The following ERBB4 variants were observed in gnomAD, a reference collection of about 807,000 sequenced individuals.
ERBB4 encodes erb-b2 receptor tyrosine kinase 4.
In ERBB4, 42 loss-of-function variants were observed where a neutral mutation model predicts 158.0. The observed-to-expected ratio is 0.27, with a 90% CI of 0.21 to 0.34. The LOEUF is 0.34. ERBB4 is among the 10% of genes least tolerant of loss of function. ERBB4 has a pLI of 1.00. For missense variants in ERBB4, 1,333 were observed against 1,624.1 expected (o/e 0.82, Z 3.08); for synonymous variants, 583 against 558.7 (o/e 1.04, Z -0.61).
At position 212,417,504 on chromosome 2, in the gene ERBB4, A is replaced by G. The variant is rs2105893975; in HGVS notation, c.82+120945T>C. ...CAGTCTTTGGACTTTCAGATTAGGT[A>G]TGGCAAACCACTAAAATTGTCTACT... On this transcript the variant is annotated intron_variant, in intron 1 of 27. Transcript: ENST00000342788. 1.3e-5 allele frequency among the ~76,000 whole-genome samples: 2 copies of G among 152,170 alleles called. 1 individual carries two copies. Among genetic ancestry groups the G allele is most frequent in the South Asian group, 4.1e-4 (2 of 4,830 alleles).
chr2:211,767,903 C>A (rs1209813660), intron 4 of ERBB4, among the ~76,000 whole-genome samples: 58 of 152,142 alleles, frequency 3.8e-4, no homozygotes, highest in Non-Finnish European at 4.4e-5. Flanking sequence ...TGTAATCATG[C>A]CCTCCCAACA....
At chr2:211,786,847 C>T (rs1008716929) in intron 4 of ERBB4, among the ~76,000 whole-genome samples, 3 of 152,178 alleles carry the variant, frequency 2.0e-5, no homozygotes, top group Non-Finnish European at 4.4e-5. Context: ...TGAAACACAT[C>T]ATTTGTCTTG....
chr2:212,073,154 A>G lies in ERBB4; in HGVS notation c.234+51598T>C, dbSNP rs147335804. 5.5e-4 allele frequency among the ~76,000 whole-genome samples: 83 copies of G among 152,118 alleles called. No homozygotes were observed. The East Asian group carries it at 0.015, about 28-fold the overall frequency. ...ACTGAAAATGTGGGACATCAGTATT[A>G]GAAAAGCTAGAAAGGAAAGCTGGAG... On this transcript the variant is annotated intron_variant, in intron 2 of 27. Transcript: ENST00000342788.
At chr2:211,787,326 T>G in intron 4 of ERBB4, among the ~76,000 whole-genome samples, 1 of 152,204 alleles carries the variant, frequency 6.6e-6, no homozygotes, top group East Asian at 1.9e-4. Flanking sequence ...CCAGACAGAA[T>G]AATTTTCAAA....
intron 3 of ERBB4, among the ~76,000 whole-genome samples, chr2:211,788,506 A>G (rs1486613433): frequency 6.6e-6 from 1 of 152,062 alleles, no homozygotes; most frequent in Admixed American, 6.6e-5. Flanking sequence ...TTAGTTTAAT[A>G]TTATGTAGTG....
chr2:211,389,339 G>C (rs968896683), intron 25 of ERBB4, among the ~76,000 whole-genome samples: 1 of 152,130 alleles, frequency 6.6e-6, no homozygotes, highest in Non-Finnish European at 1.5e-5. Flanking sequence ...AAATGAAACA[G>C]ATAAATATTA....
chr2:212,003,103 A>C (rs773724508), intron 2 of ERBB4, among the ~76,000 whole-genome samples: 7 of 45,586 alleles, frequency 1.5e-4, no homozygotes, highest in Non-Finnish European at 4.8e-4. Context: ...CAGAGACAGA[A>C]AGAAAGAAAG....
chr2:211,854,266 CTT>C lies in ERBB4; in HGVS notation c.422-66109_422-66108del, dbSNP rs544843371. Among the ~76,000 whole-genome samples, 1,144 of 152,002 alleles carry C rather than the reference CTT, an allele frequency of 7.5e-3. 4 individuals are homozygous for C. The highest frequency in any genetic ancestry group is 0.011 in the Non-Finnish European group (759 of 67,924). ...TCATTATTTGAGCAGGAAAAATAAA[CTT>C]TGTGTTAATTCTCATATTATCATAT... is the stretch of plus-strand genomic sequence containing the variant. On this transcript the variant is annotated intron_variant, in intron 3 of 27. Coordinates refer to ENST00000342788, the MANE Select transcript of ERBB4 (RefSeq NM_005235.3).
At chr2:211,644,191 T>G (rs1191633924) in intron 16 of ERBB4, among the ~76,000 whole-genome samples, 1 of 152,046 alleles carries the variant, frequency 6.6e-6, no homozygotes, top group Non-Finnish European at 1.5e-5. Context: ...TTTTAAATTA[T>G]GTTTTTAACT....
At chr2:211,412,432 G>T (rs2063282422) in intron 25 of ERBB4, among the ~76,000 whole-genome samples, 1 of 152,080 alleles carries the variant, frequency 6.6e-6, no homozygotes. Context: ...CCTCCACAAA[G>T]ATACATTTAA....
At chr2:212,285,237 G>A (rs1324750243) in intron 1 of ERBB4, among the ~76,000 whole-genome samples, 2 of 152,156 alleles carry the variant, frequency 1.3e-5, no homozygotes, top group East Asian at 1.9e-4. Flanking sequence ...TGAAGGTAAG[G>A]GTGAGAATGG....
At chr2:211,483,062 A>C (rs183146149) in intron 20 of ERBB4, among the ~76,000 whole-genome samples, 2 of 152,230 alleles carry the variant, frequency 1.3e-5, no homozygotes, top group African/African-American at 4.8e-5. Context: ...AAAAGAATGA[A>C]GCCAAAACAC....
intron 17 of ERBB4, among the ~76,000 whole-genome samples, chr2:211,629,092 T>C (rs1212198662): frequency 2.0e-5 from 3 of 152,096 alleles, no homozygotes; most frequent in African/African-American, 4.8e-5. Context: ...GATGAGTAGA[T>C]TGTAAAAATT....
chr2:211,858,383 T>G (rs2077926254), intron 3 of ERBB4, among the ~76,000 whole-genome samples: 1 of 152,204 alleles, frequency 6.6e-6, no homozygotes, highest in African/African-American at 2.4e-5. Context: ...AAAAGTATAT[T>G]CAGTAAATTA....
chr2:212,211,398 A>G (rs2105927403), intron 1 of ERBB4, among the ~76,000 whole-genome samples: 1 of 152,256 alleles, frequency 6.6e-6, no homozygotes, highest in East Asian at 1.9e-4. Context: ...TCAGCTTTCA[A>G]GGTTGCAATT....
chr2:212,037,127 ATTTGTTTTTGTTTTGTTTG>A (rs1421609016), intron 2 of ERBB4, among the ~76,000 whole-genome samples: 2 of 151,464 alleles, frequency 1.3e-5, no homozygotes, highest in Non-Finnish European at 2.9e-5. Context: ...TTTGTTGTTC[ATTTGTTTTTGTTTTGTTTG>A]TTTGTTTTGT....
chr2:211,638,462 T>A (rs1275651713), intron 16 of ERBB4, among the ~76,000 whole-genome samples: 1 of 152,180 alleles, frequency 6.6e-6, no homozygotes, highest in Non-Finnish European at 1.5e-5. Flanking sequence ...CTTTTCTTTT[T>A]GAGCAAATGA....
intron 1 of ERBB4, among the ~76,000 whole-genome samples, chr2:212,433,460 G>A (rs900698989): frequency 6.6e-6 from 1 of 151,834 alleles, no homozygotes; most frequent in East Asian, 1.9e-4. Flanking sequence ...ATTTTGAAAA[G>A]GCCAACATAT....
chr2:212,403,030 T>C (rs1258119780), intron 1 of ERBB4, among the ~76,000 whole-genome samples: 1 of 152,116 alleles, frequency 6.6e-6, no homozygotes, highest in Admixed American at 6.6e-5. Flanking sequence ...TAATTAGTCA[T>C]TTATTGGCTT....
Sources: allele counts gnomAD v4.1 joint callset (sites outside exome capture counted in the v4.1 genomes callset), GRCh38; gene constraint gnomAD v4.1.1; transcripts MANE v1.5; gene names NCBI Gene and HGNC (gene_info 2026-07-23, HGNC 2026-07-21).